Variants in CLEC4F observed in about 807,000 individuals in gnomAD.
The protein encoded by CLEC4F is C-type lectin domain family 4 member F, also known as C-type (calcium dependent, carbohydrate-recognition domain) lectin, superfamily member 13.
A neutral mutation model predicts 53.4 loss-of-function variants in CLEC4F; 45 were observed. The observed-to-expected ratio is 0.84, with a 90% CI of 0.66 to 1.08. The LOEUF (loss-of-function observed/expected upper bound fraction) is 1.08. Among genes scored for constraint, CLEC4F ranks in the 50% least tolerant of loss-of-function variants. The pLI is 0.00. For synonymous variants in CLEC4F, 245 were observed against 257.5 expected (o/e 0.95, Z 0.46); for missense variants, 753 against 698.2 (o/e 1.08, Z -0.88).
At chr2:70,810,438 G>C (rs112480632) in intron 5 of CLEC4F, among the ~76,000 whole-genome samples, 2,934 of 151,902 alleles carry the variant, frequency 0.019, 98 homozygotes, top group African/African-American at 0.067. Flanking sequence ...GGCCAGCATG[G>C]TGAAACCCCG....
upstream of CLEC4F, among the ~76,000 whole-genome samples, chr2:70,821,214 C>G (rs1379142181): frequency 2.6e-5 from 4 of 152,174 alleles, no homozygotes; most frequent in African/African-American, 9.7e-5. Context: ...GTTCCTGACA[C>G]AGAACTCCTA....
At chr2:70,809,941 T>C (rs1676459803) in intron 5 of CLEC4F, 84 bp from the exon 6 acceptor site, 3 of 810,468 alleles carry the variant, frequency 3.7e-6, no homozygotes, top group Non-Finnish European at 6.6e-6. Context: ...CTTATAGATA[T>C]ACACATAATT....
chr2:70,809,766 G>T lies in CLEC4F; in HGVS notation c.1631C>A (p.Thr544Lys). Reference sequence around the variant, plus strand: ...TTTGTTCTGGGCGGCGTTGAATGGTGTCCCATCTGTCCAGCGCCAGGAGCC... The same window carrying T: ...TTTGTTCTGGGCGGCGTTGAATGGTTTCCCATCTGTCCAGCGCCAGGAGCC... ...TEGSWRWTDG[T>K]PFNAAQNKAP... The change falls in exon 6 of 7, where the codon ACA becomes AAA. Residue 544 changes from threonine to lysine, a missense_variant. Coordinates refer to ENST00000272367, the MANE Select transcript of CLEC4F (RefSeq NM_173535.3). 1.2e-6 allele frequency: 2 copies of T among 1,614,070 alleles called. No individual in the cohort carries two copies. The highest frequency in any genetic ancestry group is 1.7e-6 in the Non-Finnish European group (2 of 1,179,924).
upstream of CLEC4F, among the ~76,000 whole-genome samples, chr2:70,822,531 C>G (rs148660895): frequency 1.1e-4 from 17 of 152,202 alleles, no homozygotes; most frequent in East Asian, 3.3e-3. Context: ...GCTGTGCAAA[C>G]GTGATGTCCC....
At position 70,808,888 on chromosome 2, in the gene CLEC4F, G is replaced by A; in HGVS notation, c.*383C>T. On this transcript the variant is annotated 3_prime_UTR_variant, in exon 7 of 7. Transcript: ENST00000272367. ...CCGAAGGCATCGAGGAGGAGGGTCA[G>A]TATTGGCAAGCAGGAGCAGCCCCTC... 1 of 607,112 alleles carries A rather than the reference G, an allele frequency of 1.6e-6. No homozygotes were observed. Among genetic ancestry groups the A allele is most frequent in the Admixed American group, 2.9e-5 (1 of 34,970 alleles). 37.6% of individuals were successfully genotyped at this position (607,112 alleles called of 1,614,324 possible).
In CLEC4F at chr2:70,817,113, C is replaced by T. The variant is rs113271137; in HGVS notation, c.269-1G>A. The T allele has an allele frequency of 2.4e-5, 38 of 1,603,730 alleles. No individual in the cohort carries two copies. The highest frequency in any genetic ancestry group is 1.6e-4 in the Middle Eastern group (1 of 6,064). ...GCCTCCCTGCCAAAGTGGTGATGATCTGGAGGGAGGAAGTGAAGAAGGCAG... is the reference window on the plus strand; with the variant it reads ...GCCTCCCTGCCAAAGTGGTGATGATTTGGAGGGAGGAAGTGAAGAAGGCAG... On this transcript the variant is annotated splice_acceptor_variant, in intron 3 of 6. Transcript: ENST00000272367. LOFTEE classifies it high-confidence loss of function.
At chr2:70,817,963 A>T (rs1553396825) in intron 3 of CLEC4F, among the ~76,000 whole-genome samples, 2 of 152,134 alleles carry the variant, frequency 1.3e-5, no homozygotes. Flanking sequence ...ACATGCATCT[A>T]CCTCTGGTCC....
At chr2:70,821,113 G>C (rs1380777867), upstream of CLEC4F, among the ~76,000 whole-genome samples, 1 of 152,148 alleles carries the variant, frequency 6.6e-6, no homozygotes, top group Admixed American at 6.5e-5. Context: ...TTGAGCATCT[G>C]TGGACTTTGG....
At chr2:70,822,127 A>G (rs781804255), upstream of CLEC4F, among the ~76,000 whole-genome samples, 8 of 152,096 alleles carry the variant, frequency 5.3e-5, no homozygotes, top group Non-Finnish European at 8.8e-5. Flanking sequence ...TAGCATCTGA[A>G]GGGGGGCAGT....
Position 70,816,522 on chromosome 2 carries a change from C to T in CLEC4F, c.859G>A (p.Gly287Arg), listed in dbSNP as rs1676923146. Residue 287 changes from glycine (G) to arginine (R), a missense_variant, in exon 4 of 7, where the codon GGA (glycine) becomes AGA (arginine). Transcript: ENST00000272367. ...SLEGANAEIQ[G>R]LKENLQNTNA... ...GTGTTCTGCAAATTTTCCTTTAGTC[C>T]CTGGATCTCAGCATTGGCTCCTTCC... 3.1e-6 allele frequency: 5 copies of T among 1,614,022 alleles called. No homozygotes were observed. Among genetic ancestry groups the T allele is most frequent in the Non-Finnish European group, 4.2e-6 (5 of 1,180,022 alleles).
chr2:70,812,437 C>T lies in CLEC4F; in HGVS notation c.1539+10G>A, dbSNP rs1676620235. Reference sequence around the variant, plus strand: ...TTCCACCAACAACACCCCATGCTCGCAGCTCTGACCTGCTCCTCCTTGGAG... The same window carrying T: ...TTCCACCAACAACACCCCATGCTCGTAGCTCTGACCTGCTCCTCCTTGGAG... On this transcript the variant is annotated intron_variant, in intron 5 of 6. Coordinates refer to ENST00000272367, the MANE Select transcript of CLEC4F (RefSeq NM_173535.3). The T allele has an allele frequency of 6.2e-7, 1 of 1,612,564 alleles. No individual in the cohort carries two copies. Among genetic ancestry groups the T allele is most frequent in the Non-Finnish European group, 8.5e-7 (1 of 1,179,666 alleles).
Position 70,809,065 on chromosome 2 carries a change from T to C in CLEC4F, c.*206A>G, listed in dbSNP as rs1163035295. ...CTTGTGCCGCCAGTTGTCAGACTGA[T>C]TCTTTTCCCAAAACCCGAAGACAAC... On this transcript the variant is annotated 3_prime_UTR_variant, in exon 7 of 7. Coordinates refer to ENST00000272367, the MANE Select transcript of CLEC4F (RefSeq NM_173535.3). 1 of 1,542,820 alleles carries C rather than the reference T, an allele frequency of 6.5e-7. No individual in the cohort carries two copies. The highest frequency in any genetic ancestry group is 1.7e-4 in the Middle Eastern group (1 of 5,988).
Position 70,816,307 on chromosome 2 carries a change from C to T in CLEC4F, c.1074G>A (p.Gln358=). The T allele has an allele frequency of 6.2e-7, 1 of 1,614,236 alleles. No individual in the cohort carries two copies. Among genetic ancestry groups the T allele is most frequent in the Non-Finnish European group, 8.5e-7 (1 of 1,180,038 alleles). The change falls in exon 4 of 7, where the codon CAG becomes CAA. Residue 358 remains glutamine, a synonymous_variant. Coordinates refer to ENST00000272367, the MANE Select transcript of CLEC4F (RefSeq NM_173535.3). ...ANGRLDQTDT[Q]IQVFKSEMEN... is the part of the protein sequence containing the mutation. ...CCATCTCTGACTTGAATACCTGAAT[C>T]TGAGTATCTGTCTGGTCCAGACGGC...
Position 70,817,037 on chromosome 2 carries a change from C to A in CLEC4F, c.344G>T (p.Ser115Ile), listed in dbSNP as rs782724014. ...QTFKGHMENSSAWVVEIQMLK... is the reference protein window; with the variant it reads ...QTFKGHMENSIAWVVEIQMLK... ...CATCTGGATTTCTACTACCCAGGCA[C>A]TGGAATTCTCCATGTGGCCTTTAAA... Residue 115 changes from serine to isoleucine, a missense_variant, in exon 4 of 7, where the codon AGT becomes ATT. Physicochemically the swap from Ser to Ile is moderately radical, Grantham distance 142. Transcript: ENST00000272367. The A allele has an allele frequency of 1.9e-6, 3 of 1,614,120 alleles. No individual in the cohort carries two copies. Among genetic ancestry groups the A allele is most frequent in the East Asian group, 4.5e-5 (2 of 44,888 alleles).
intron 1 of CLEC4F, among the ~76,000 whole-genome samples, 167 bp downstream of exon 1, chr2:70,820,296 C>T (rs1273251624): frequency 1.3e-5 from 2 of 152,220 alleles, no homozygotes; most frequent in African/African-American, 4.8e-5. Flanking sequence ...CAAGCCAGGA[C>T]CATCTGAATT....
At position 70,816,969 on chromosome 2, in the gene CLEC4F, G is replaced by C; in HGVS notation, c.412C>G (p.Leu138Val). 1.2e-6 allele frequency: 2 copies of C among 1,614,146 alleles called. No homozygotes were observed. Among genetic ancestry groups the C allele is most frequent in the Non-Finnish European group, 1.7e-6 (2 of 1,180,020 alleles). Residue 138 changes from leucine to valine, a missense_variant, in exon 4 of 7, where the codon CTC becomes GTC. Physicochemically the swap from Leu to Val is conservative, Grantham distance 32. Transcript: ENST00000272367. ...VDNVNSQLQV[L>V]GDHLGNTNAD... ...TTGGTGTTTCCCAGATGATCACCGA[G>C]CACCTGGAGCTGCGAATTGACATTG...
At position 70,816,581 on chromosome 2, in the gene CLEC4F, A is replaced by G. The variant is rs1167049491; in HGVS notation, c.800T>C (p.Leu267Ser). ...TCTTAAAACCTGGTTCTGGGTCCTC[A>G]AGTCATTGACACTATCTAGATGGCC... ...LRGHLDSVND[L>S]RTQNQVLRNS... Residue 267 changes from leucine to serine, a missense_variant, in exon 4 of 7, where the codon TTG becomes TCG. Leu to Ser is a moderately radical substitution (Grantham distance 145). Coordinates refer to ENST00000272367, the MANE Select transcript of CLEC4F (RefSeq NM_173535.3). 6.2e-6 allele frequency: 10 copies of G among 1,614,070 alleles called. No homozygotes were observed. The highest frequency in any genetic ancestry group is 8.5e-6 in the Non-Finnish European group (10 of 1,180,036).
At chr2:70,811,250 G>T in intron 5 of CLEC4F, 2 of 936,532 alleles carry the variant, frequency 2.1e-6, no homozygotes, top group South Asian at 2.6e-5. Flanking sequence ...AGGCACAATT[G>T]TCTTAAATGT....
intron 1 of CLEC4F, 22 bp from the exon 2 acceptor site, chr2:70,819,913 C>A: frequency 2.0e-6 from 3 of 1,511,304 alleles, no homozygotes; most frequent in African/African-American, 2.8e-5. Flanking sequence ...AAGGCAGTGT[C>A]CAAGGTGAGA....
Sources: gnomAD v4.1 joint callset for allele counts (sites outside exome capture counted in the v4.1 genomes callset) on GRCh38, gnomAD v4.1.1 for gene constraint, MANE v1.5 for transcripts, NCBI Gene and HGNC (gene_info 2026-07-23, HGNC 2026-07-21) for gene names.